Variants in NFATC3 observed in about 807,000 individuals in gnomAD.
The protein encoded by NFATC3 is nuclear factor of activated T-cells, cytoplasmic 3.
A neutral mutation model predicts 98.6 loss-of-function variants in NFATC3; 46 were observed. The observed-to-expected ratio is 0.47, with a 90% confidence interval of 0.37 to 0.60. The LOEUF is 0.60. NFATC3 is among the 20% of genes least tolerant of loss of function. The pLI, the probability that NFATC3 is intolerant of heterozygous loss-of-function variation, is 0.00. For synonymous variants in NFATC3, 512 were observed against 472.2 expected, an observed-to-expected ratio of 1.08 and a Z score of -1.09; for missense variants, 1,256 against 1,295.5, an observed-to-expected ratio of 0.97 and a Z score of 0.47.
At chr16:68,174,688 ATTATCT>A (rs1199444764) in intron 6 of NFATC3, among the ~76,000 whole-genome samples, 174 bp downstream of exon 6, 2 of 152,204 alleles carry the variant, frequency 1.3e-5, no homozygotes, top group Non-Finnish European at 2.9e-5. Context: ...TAAATGTTAA[ATTATCT>A]TTAAGGAGCT....
chr16:68,170,921 TTTC>T (rs1462415499), intron 5 of NFATC3, among the ~76,000 whole-genome samples: 2 of 152,250 alleles, frequency 1.3e-5, no homozygotes, highest in Admixed American at 6.5e-5. Flanking sequence ...TCATAGATGT[TTTC>T]TTCTGTTATT....
chr16:68,123,035 G>T lies in NFATC3; in HGVS notation c.1152G>T (p.Lys384Asn), dbSNP rs1598401495. ...GCCTTGGATCTCAGTATCCTTTAAA[G>T]AAAGATTCATGTGGTGATCAGTTTC... is the stretch of plus-strand genomic sequence containing the variant. ...DDGLGSQYPL[K>N]KDSCGDQFLS... Residue 384 changes from lysine (K) to asparagine (N), a missense_variant, in exon 2 of 10, where the codon AAG becomes AAT. Around this residue, in one of 3 missense-constraint regions of NFATC3, gnomAD observed 464 missense variants for 465.7 expected, o/e 1.00. Coordinates refer to ENST00000346183, the MANE Select transcript of NFATC3 (RefSeq NM_173165.3). 1 of 1,613,288 alleles carries T rather than the reference G, an allele frequency of 6.2e-7. No homozygotes were observed. Among genetic ancestry groups the T allele is most frequent in the African/African-American group, 1.3e-5 (1 of 74,908 alleles).
At chr16:68,139,242 A>C (rs1243747053) in intron 3 of NFATC3, among the ~76,000 whole-genome samples, 1 of 152,208 alleles carries the variant, frequency 6.6e-6, no homozygotes, top group Non-Finnish European at 1.5e-5. Context: ...TAAAATGAGA[A>C]TAATATATAA....
At position 68,191,117 on chromosome 16, in the gene NFATC3, T is replaced by G; in HGVS notation, c.2448T>G (p.Cys816Trp). 6.2e-7 allele frequency: 1 copy of G among 1,614,230 alleles called. No individual in the cohort carries two copies. Among genetic ancestry groups the G allele is most frequent in the South Asian group, 1.1e-5 (1 of 91,090 alleles). The change falls in exon 9 of 10, where the codon TGT (cysteine) becomes TGG (tryptophan). Residue 816 changes from cysteine (C) to tryptophan (W), a missense_variant. Cys to Trp is a radical substitution (Grantham distance 215). Coordinates refer to ENST00000346183, the MANE Select transcript of NFATC3 (RefSeq NM_173165.3). ...ATGTTGTGTACAATGGACCAACTTGTCTTCCTATTAATGCTGCCTCTAGTC... is the reference window on the plus strand; with the variant it reads ...ATGTTGTGTACAATGGACCAACTTGGCTTCCTATTAATGCTGCCTCTAGTC... ...QTNVVYNGPT[C>W]LPINAASSQE...
At chr16:68,138,773 T>C (rs1159278599) in intron 3 of NFATC3, 2 of 1,274,090 alleles carry the variant, frequency 1.6e-6, no homozygotes, top group Admixed American at 2.5e-5. Context: ...AATATAGAAC[T>C]CTATACTTAA....
At chr16:68,198,287 C>T (rs549949856) in intron 9 of NFATC3, among the ~76,000 whole-genome samples, 9 of 151,930 alleles carry the variant, frequency 5.9e-5, no homozygotes, top group Non-Finnish European at 1.2e-4. Context: ...TACTACACTC[C>T]AGCCCAGGTG....
chr16:68,198,015 A>C, intron 9 of NFATC3, among the ~76,000 whole-genome samples: 1 of 152,214 alleles, frequency 6.6e-6, no homozygotes, highest in East Asian at 1.9e-4. Flanking sequence ...AATGTAACTC[A>C]GCTCAGAATT....
At chr16:68,106,229 G>A (rs1341473942) in intron 1 of NFATC3, among the ~76,000 whole-genome samples, 1 of 151,672 alleles carries the variant, frequency 6.6e-6, no homozygotes. Context: ...AACACCAGTT[G>A]TAATACATTC....
At chr16:68,110,891 C>T (rs1258810419) in intron 1 of NFATC3, among the ~76,000 whole-genome samples, 1 of 152,098 alleles carries the variant, frequency 6.6e-6, no homozygotes, top group African/African-American at 2.4e-5. Flanking sequence ...TTCTTGATTT[C>T]TGCCTTAATT....
chr16:68,207,356 G>A (rs1366315871), intron 9 of NFATC3, among the ~76,000 whole-genome samples: 2 of 152,022 alleles, frequency 1.3e-5, no homozygotes, highest in Non-Finnish European at 2.9e-5. Context: ...CTCGGCTGTT[G>A]GGAATAATGC....
At chr16:68,155,553 C>T (rs1384079930) in intron 3 of NFATC3, among the ~76,000 whole-genome samples, 4 of 152,070 alleles carry the variant, frequency 2.6e-5, no homozygotes, top group Admixed American at 6.6e-5. Flanking sequence ...TTTCAAGGAC[C>T]GGAGACTTGG....
intron 1 of NFATC3, among the ~76,000 whole-genome samples, chr16:68,113,082 C>T (rs2036069636): frequency 6.6e-6 from 1 of 152,130 alleles, no homozygotes; most frequent in African/African-American, 2.4e-5. Flanking sequence ...TTGAAGCCTA[C>T]TTCTGTCAAT....
chr16:68,130,939 C>T (rs1262175467), intron 3 of NFATC3, among the ~76,000 whole-genome samples: 1 of 152,064 alleles, frequency 6.6e-6, no homozygotes, highest in Non-Finnish European at 1.5e-5. Flanking sequence ...GCACCTTTGT[C>T]GAAAATGAGT....
chr16:68,122,005 G>A lies in NFATC3; in HGVS notation c.122G>A (p.Cys41Tyr), dbSNP rs761659796. The change falls in exon 2 of 10, where the codon TGT becomes TAT. Residue 41 changes from cysteine (C) to tyrosine (Y), a missense_variant. Cys to Tyr is a radical substitution (Grantham distance 194, BLOSUM62 -2). Around this residue, in one of 3 missense-constraint regions of NFATC3, gnomAD observed 464 missense variants for 465.7 expected, o/e 1.00. Transcript: ENST00000346183. ...SRPADLEPDD[C>Y]ASIYIFNVDP... The stretch of plus-strand genomic sequence containing the variant: ...CCCGTAGATCTTGAGCCAGATGATT[G>A]TGCATCCATTTACATCTTTAATGTA... 6.3e-7 allele frequency: 1 copy of A among 1,588,176 alleles called. No homozygotes were observed. Among genetic ancestry groups the A allele is most frequent in the South Asian group, 1.1e-5 (1 of 88,902 alleles).
intron 1 of NFATC3, among the ~76,000 whole-genome samples, chr16:68,117,114 GGC>G (rs1259287589): frequency 6.6e-6 from 1 of 152,104 alleles, no homozygotes; most frequent in African/African-American, 2.4e-5. Flanking sequence ...CTGAACAAGG[GGC>G]CAAGGAAAAT....
intron 4 of NFATC3, among the ~76,000 whole-genome samples, chr16:68,163,568 G>A (rs1055394100): frequency 6.6e-6 from 1 of 151,966 alleles, no homozygotes; most frequent in African/African-American, 2.4e-5. Flanking sequence ...TCCTGGACGG[G>A]GTGGCTGCCG....
chr16:68,107,952 T>G (rs1350237021), intron 1 of NFATC3, among the ~76,000 whole-genome samples: 1 of 151,542 alleles, frequency 6.6e-6, no homozygotes, highest in Non-Finnish European at 1.5e-5. Context: ...TTTAAGTTTC[T>G]TGTAGACTCT....
chr16:68,214,033 A>G (rs895256168), intron 9 of NFATC3, among the ~76,000 whole-genome samples: 4 of 152,200 alleles, frequency 2.6e-5, no homozygotes, highest in Non-Finnish European at 5.9e-5. Context: ...TGTAATAAAA[A>G]CTAGTTTATT....
chr16:68,117,327 C>T (rs2036331287), intron 1 of NFATC3, among the ~76,000 whole-genome samples: 1 of 152,124 alleles, frequency 6.6e-6, no homozygotes, highest in South Asian at 2.1e-4. Flanking sequence ...GAGGATTTTG[C>T]TCCTAAATTT....
Sources: gnomAD v4.1 joint callset for allele counts (sites outside exome capture counted in the v4.1 genomes callset) on GRCh38, gnomAD v4.1.1 for gene constraint, gnomAD v4.1.1 regional missense constraint, MANE v1.5 for transcripts, NCBI Gene and HGNC (gene_info 2026-07-23, HGNC 2026-07-21) for gene names.